Variants in DMBX1 observed in about 807,000 individuals in gnomAD.
DMBX1 encodes diencephalon/mesencephalon homeobox 1.
DMBX1 carries 7 observed loss-of-function variants against 30.4 expected under a neutral mutation model. The ratio of observed to expected loss-of-function variants is 0.23; its 90% CI spans 0.13 to 0.43. The LOEUF is 0.43. DMBX1 is among the 20% of genes least tolerant of loss of function. The probability of loss-of-function intolerance (pLI) is 1.00; values close to 1 mark genes in which losing one functional copy is unlikely to be tolerated. For synonymous variants in DMBX1, 222 were observed against 214.2 expected (o/e 1.04, Z -0.32); for missense variants, 460 against 508.5 (o/e 0.90, Z 0.92).
At chr1:46,497,866 A>G (rs1165299262) in intron 2 of DMBX1, among the ~76,000 whole-genome samples, 1 of 152,252 alleles carries the variant, frequency 6.6e-6, no homozygotes, top group African/African-American at 2.4e-5. Context: ...ATGTAAGCAC[A>G]ATTCGACAGC....
At chr1:46,508,371 AG>A (rs1271480695) in intron 3 of DMBX1, among the ~76,000 whole-genome samples, 1 of 152,186 alleles carries the variant, frequency 6.6e-6, no homozygotes, top group East Asian at 1.9e-4. Context: ...ACATGAGCAA[AG>A]GCACAGAAAT....
At chr1:46,511,920 T>C in intron 5 of DMBX1, 123 bp from the exon 6 acceptor site, 1 of 958,532 alleles carries the variant, frequency 1.0e-6, no homozygotes, top group Non-Finnish European at 1.6e-6. Flanking sequence ...ATGGGATGGA[T>C]GTGGTTTCAG....
chr1:46,497,372 A>T (rs1313824481), intron 2 of DMBX1, among the ~76,000 whole-genome samples: 1 of 152,118 alleles, frequency 6.6e-6, no homozygotes, highest in East Asian at 1.9e-4. Context: ...TGATGAGATG[A>T]TGTGTCTCAC....
Position 46,512,116 on chromosome 1 carries a change from C to T in DMBX1, c.756C>T (p.Ser252=), listed in dbSNP as rs1666386263. 2 of 1,613,930 alleles carry T rather than the reference C, an allele frequency of 1.2e-6. No homozygotes were observed. Among genetic ancestry groups the T allele is most frequent in the African/African-American group, 1.3e-5 (1 of 75,000 alleles). The change falls in exon 6 of 6, where the codon TCC becomes TCT. Residue 252 remains serine, a synonymous_variant. Coordinates refer to ENST00000360032, the MANE Select transcript of DMBX1 (RefSeq NM_172225.2). The surrounding 1 kb of genome is among the most constrained non-coding windows in gnomAD (Gnocchi z 4.8). The part of the protein sequence containing the change: ...GGLLGPSHSY[S]SSPLSLFRLQ... ...TCCTGGGCCCCTCCCACTCCTATTC[C>T]TCGTCCCCGCTGAGCCTCTTCCGTC... is the stretch of plus-strand genomic sequence containing the variant.
At chr1:46,498,011 G>T (rs981388931) in intron 2 of DMBX1, among the ~76,000 whole-genome samples, 36 of 152,300 alleles carry the variant, frequency 2.4e-4, no homozygotes, top group African/African-American at 6.7e-4. Flanking sequence ...CCGGCCTGGG[G>T]CCAAGAGTGC....
chr1:46,507,173 C>A lies in DMBX1; in HGVS notation c.154+9C>A, dbSNP rs553666096. The stretch of plus-strand genomic sequence containing the variant: ...GGCTGAGCGCCTGGCTGGTAAGGGC[C>A]CTGGGGATGGGACCATGGGGACAGG... On this transcript the variant is annotated intron_variant, in intron 3 of 5. Coordinates refer to ENST00000360032, the MANE Select transcript of DMBX1 (RefSeq NM_172225.2). The A allele has an allele frequency of 1.1e-5, 17 of 1,613,920 alleles. No homozygotes were observed. In the South Asian group the frequency reaches 1.8e-4, roughly 17 times the overall value.
In DMBX1 at chr1:46,504,807, G is replaced by A. The variant is rs1423369690; in HGVS notation, c.-12-2192G>A. Among the ~76,000 whole-genome samples, 912 of 150,644 alleles carry A rather than the reference G, an allele frequency of 6.1e-3. 7 individuals are homozygous for A. The highest frequency in any genetic ancestry group is 0.021 in the African/African-American group (873 of 40,840). On this transcript the variant is annotated intron_variant, in intron 2 of 5. Coordinates refer to ENST00000360032, the MANE Select transcript of DMBX1 (RefSeq NM_172225.2). Reference sequence around the variant, plus strand: ...TTGAATCTGTAAATTACCTTGGGCAGTATGGCCATTTTCACGATATTGATT... The same window carrying A: ...TTGAATCTGTAAATTACCTTGGGCAATATGGCCATTTTCACGATATTGATT...
intron 2 of DMBX1, among the ~76,000 whole-genome samples, chr1:46,494,911 A>T (rs1666000847): frequency 6.6e-6 from 1 of 152,160 alleles, no homozygotes. Context: ...GGGGGTCATG[A>T]TACCTATGCC....
chr1:46,512,580 T>C lies in DMBX1; in HGVS notation c.*86T>C. On this transcript the variant is annotated 3_prime_UTR_variant, in exon 6 of 6. Transcript: ENST00000360032. The surrounding 1 kb of genome is among the most constrained non-coding windows in gnomAD (Gnocchi z 4.8). Reference sequence around the variant, plus strand: ...CCTAGGTGGCTCTCGAGGAGTTAACTCCATGAGCCCAGGGATCCTAGGGCC... The same window carrying C: ...CCTAGGTGGCTCTCGAGGAGTTAACCCCATGAGCCCAGGGATCCTAGGGCC... 1.4e-6 allele frequency: 2 copies of C among 1,429,586 alleles called. No individual in the cohort carries two copies. Among genetic ancestry groups the C allele is most frequent in the Non-Finnish European group, 1.9e-6 (2 of 1,061,390 alleles). 88.6% of individuals were successfully genotyped at this position (1,429,586 alleles called of 1,614,324 possible).
Position 46,495,907 on chromosome 1 carries a change from G to A in DMBX1, c.-13+5124G>A, listed in dbSNP as rs78074015. Among the ~76,000 whole-genome samples, 492 of 152,280 alleles carry A rather than the reference G, an allele frequency of 3.2e-3. 3 individuals are homozygous for A. The highest frequency in any genetic ancestry group is 0.011 in the East Asian group (56 of 5,190). ...CAGTGGTGGGTGGGAGTGTACAGGA[G>A]GGAAGGAAGGGGAGATGACAGATTT... On this transcript the variant is annotated intron_variant, in intron 2 of 5. Coordinates refer to ENST00000360032, the MANE Select transcript of DMBX1 (RefSeq NM_172225.2).
In DMBX1 at chr1:46,512,177, A is replaced by T; in HGVS notation, c.817A>T (p.Asn273Tyr). 6.2e-7 allele frequency: 1 copy of T among 1,613,990 alleles called. No individual in the cohort carries two copies. The highest frequency in any genetic ancestry group is 8.5e-7 in the Non-Finnish European group (1 of 1,179,948). The change falls in exon 6 of 6, where the codon AAC becomes TAC. Residue 273 changes from asparagine (N) to tyrosine (Y), a missense_variant. This residue lies in a region of DMBX1 where 334 missense variants were observed against 345.1 expected (regional missense o/e 0.97). Transcript: ENST00000360032. The surrounding 1 kb of genome is among the most constrained non-coding windows in gnomAD (Gnocchi z 4.8). ...EQFRQHMAAT[N>Y]NLVHYSSFEV... is the part of the protein sequence containing the mutation. ...ATTCCGCCAGCACATGGCGGCCACC[A>T]ACAACCTGGTGCACTACTCGTCCTT...
In DMBX1 at chr1:46,514,226, A is replaced by T. The variant is rs71500098; in HGVS notation, c.*1732A>T. ...AGACTCCATCTCAAAAAAAAAAAAA[A>T]AATAAATAAAAGCTGTGTGACCTTG... On this transcript the variant is annotated 3_prime_UTR_variant, in exon 6 of 6. Coordinates refer to ENST00000360032, the MANE Select transcript of DMBX1 (RefSeq NM_172225.2). The T allele has an allele frequency of 0.35, 47,472 of 135,176 alleles. 9,290 individuals carry two copies. Among genetic ancestry groups the T allele is most frequent in the Non-Finnish European group, 0.45 (30,154 of 66,812 alleles). 8.4% of individuals were successfully genotyped at this position (135,176 alleles called of 1,614,324 possible).
rs754209885 is a variant in DMBX1, at chr1:46,512,489, A to C, written c.1129A>C (p.Asn377His). 1 of 1,606,288 alleles carries C rather than the reference A, an allele frequency of 6.2e-7. No homozygotes were observed. Among genetic ancestry groups the C allele is most frequent in the East Asian group, 2.2e-5 (1 of 44,688 alleles). Residue 377 changes from asparagine (N) to histidine (H), a missense_variant, in exon 6 of 6, where the codon AAC becomes CAC. Asn to His is a moderately conservative substitution (Grantham distance 68, BLOSUM62 1). Coordinates refer to ENST00000360032, the MANE Select transcript of DMBX1 (RefSeq NM_172225.2). The surrounding 1 kb of genome is among the most constrained non-coding windows in gnomAD (Gnocchi z 4.8). Reference sequence around the variant, plus strand: ...CTCCCTGGGACTCGATACGCTGCCCAACTGACTGTCTGGCTTCCAACCCAG... The same window carrying C: ...CTCCCTGGGACTCGATACGCTGCCCCACTGACTGTCTGGCTTCCAACCCAG... ...AASLGLDTLP[N>H]
In DMBX1 at chr1:46,493,139, G is replaced by A. The variant is rs913631390; in HGVS notation, c.-13+2356G>A. On this transcript the variant is annotated intron_variant, in intron 2 of 5. Transcript: ENST00000360032. This position sits in a 1 kb window ranked among gnomAD's most constrained non-coding sequence, Gnocchi z 4.1. ...TCTCACAGTCCCGCTCGGCCGCCCC[G>A]CAGTGCCCATGTAAATGACAGCAAT... Among the ~76,000 whole-genome samples, 1 of 151,678 alleles carries A rather than the reference G, an allele frequency of 6.6e-6. No individual in the cohort carries two copies. Among genetic ancestry groups the A allele is most frequent in the Non-Finnish European group, 1.5e-5 (1 of 67,930 alleles).
chr1:46,514,957 G>C lies in DMBX1; in HGVS notation c.*2463G>C, dbSNP rs1458668064. On this transcript the variant is annotated 3_prime_UTR_variant, in exon 6 of 6. Coordinates refer to ENST00000360032, the MANE Select transcript of DMBX1 (RefSeq NM_172225.2). The stretch of plus-strand genomic sequence containing the variant: ...GAGACTCAGTAGACCATGGGAAGGG[G>C]GTGGCTGGCTTCACGAGAGGTGGGG... Among the ~76,000 whole-genome samples the C allele has an allele frequency of 6.6e-6, 1 of 152,152 alleles. No individual in the cohort carries two copies. Among genetic ancestry groups the C allele is most frequent in the Non-Finnish European group, 1.5e-5 (1 of 68,026 alleles).
At chr1:46,508,712 C>T (rs1666288354) in intron 3 of DMBX1, among the ~76,000 whole-genome samples, 1 of 152,162 alleles carries the variant, frequency 6.6e-6, no homozygotes. Flanking sequence ...GAAGGAAGGA[C>T]ATGAACTCCA....
At chr1:46,504,726 A>G (rs1666198733) in intron 2 of DMBX1, among the ~76,000 whole-genome samples, 1 of 151,310 alleles carries the variant, frequency 6.6e-6, no homozygotes, top group Non-Finnish European at 1.5e-5. Flanking sequence ...ATGAACTTTA[A>G]AATAGTTTTT....
chr1:46,511,103 A>G lies in DMBX1; in HGVS notation c.502A>G (p.Ser168Gly). ...DTEQPPRLPGSDPPAELHLSL... is the reference protein window; with the variant it reads ...DTEQPPRLPGGDPPAELHLSL... The stretch of plus-strand genomic sequence containing the variant: ...TGAGCAGCCCCCACGTCTGCCTGGC[A>G]GCGACCCCCCTGCTGAGCTTCACCT... The change falls in exon 5 of 6, where the codon AGC becomes GGC. Residue 168 changes from serine (S) to glycine (G), a missense_variant. Around this residue, in one of 3 missense-constraint regions of DMBX1, gnomAD observed 334 missense variants for 345.1 expected, o/e 0.97. Coordinates refer to ENST00000360032, the MANE Select transcript of DMBX1 (RefSeq NM_172225.2). 4 of 1,614,048 alleles carry G rather than the reference A, an allele frequency of 2.5e-6. No homozygotes were observed. The highest frequency in any genetic ancestry group is 3.4e-6 in the Non-Finnish European group (4 of 1,180,002).
chr1:46,509,052 C>T (rs369838481), intron 3 of DMBX1, among the ~76,000 whole-genome samples: 1 of 151,910 alleles, frequency 6.6e-6, no homozygotes, highest in East Asian at 1.9e-4. Flanking sequence ...CCTGGATACC[C>T]AGTTGCCTCT....
Sources: gnomAD v4.1 joint callset for allele counts (sites outside exome capture counted in the v4.1 genomes callset) on GRCh38, gnomAD v4.1.1 for gene constraint, gnomAD v4.1.1 regional missense constraint, Gnocchi (gnomAD v3.1) non-coding constraint, MANE v1.5 for transcripts, NCBI Gene and HGNC (gene_info 2026-07-23, HGNC 2026-07-21) for gene names.